The following TEAD4 variants were observed in gnomAD, a reference collection of about 807,000 sequenced individuals.
TEAD4 encodes the protein TEA domain transcription factor 4.
A neutral mutation model predicts 52.4 loss-of-function variants in TEAD4; 36 were observed. The ratio of observed to expected loss-of-function variants is 0.69; its 90% CI spans 0.53 to 0.91. TEAD4 has a LOEUF of 0.91. Among genes scored for constraint, TEAD4 ranks in the 40% least tolerant of loss-of-function variants. The pLI is 0.00. For synonymous variants in TEAD4, 220 were observed against 231.0 expected (o/e 0.95, Z 0.43); for missense variants, 508 against 583.9 (o/e 0.87, Z 1.34).
In TEAD4 at chr12:2,984,781, A is replaced by C. The variant is rs549914181; in HGVS notation, c.-29-9957A>C. Among the ~76,000 whole-genome samples the C allele has an allele frequency of 5.3e-4, 81 of 152,348 alleles. 1 individual carries two copies. The highest frequency in any genetic ancestry group is 1.2e-3 in the Admixed American group (19 of 15,302). On this transcript the variant is annotated intron_variant, in intron 2 of 12. Transcript: ENST00000359864. ...ATCTCAACATTCCTAAACATAGAAA[A>C]GGTACAGTGAAAATAAAATATAAAA...
rs1188833755 is a variant in TEAD4, at chr12:3,019,157, G to T, written c.570G>T (p.Pro190=). ...AGCAAACCTATGCTGTCCAGCCTCC[G>T]CTGCCTCTGCCAGGTGGGTGGGCGC... The change falls in exon 8 of 13, where the codon CCG becomes CCT. Residue 190 remains proline (P), a synonymous_variant. Transcript: ENST00000359864. The T allele has an allele frequency of 3.7e-6, 6 of 1,613,820 alleles. No individual in the cohort carries two copies. The highest frequency in any genetic ancestry group is 5.1e-6 in the Non-Finnish European group (6 of 1,179,978).
chr12:2,974,524 G>A (rs926312621), intron 2 of TEAD4, among the ~76,000 whole-genome samples: 7 of 152,146 alleles, frequency 4.6e-5, no homozygotes, highest in Admixed American at 4.6e-4. Flanking sequence ...CTTCCCCCTG[G>A]GGGTGCAGAT....
intron 10 of TEAD4, among the ~76,000 whole-genome samples, chr12:3,024,500 T>C (rs2098270813): frequency 6.6e-6 from 1 of 151,976 alleles, no homozygotes; most frequent in Non-Finnish European, 1.5e-5. Context: ...ACCCCATCTA[T>C]ACAAAAAGTA....
rs182641176 is a variant in TEAD4 at position 2,985,650 on chromosome 12, T to C, written c.-29-9088T>C. Among the ~76,000 whole-genome samples the C allele has an allele frequency of 1.3e-3, 200 of 151,026 alleles. 1 individual carries two copies. Among genetic ancestry groups the C allele is most frequent in the African/African-American group, 4.6e-3 (188 of 41,306 alleles). Reference sequence around the variant, plus strand: ...CCTCCCTAGTAGCTGGGATTATAGGTGCGCACCATCATGCCTGGCTAATTT... The same window carrying C: ...CCTCCCTAGTAGCTGGGATTATAGGCGCGCACCATCATGCCTGGCTAATTT... On this transcript the variant is annotated intron_variant, in intron 2 of 12. Transcript: ENST00000359864.
At chr12:3,013,757 G>A (rs2098262257) in intron 5 of TEAD4, among the ~76,000 whole-genome samples, 1 of 152,128 alleles carries the variant, frequency 6.6e-6, no homozygotes, top group Admixed American at 6.6e-5. Flanking sequence ...GGGCTAGCTG[G>A]GCATGCACGC....
intron 3 of TEAD4, among the ~76,000 whole-genome samples, chr12:3,010,133 G>A (rs1440024874): frequency 1.3e-5 from 2 of 152,338 alleles, no homozygotes; most frequent in Middle Eastern, 3.4e-3. Flanking sequence ...GGGGTGAAGG[G>A]CCACCCAAGG....
At chr12:3,017,074 G>C (rs1472855286) in intron 5 of TEAD4, 1 of 498,278 alleles carries the variant, frequency 2.0e-6, no homozygotes, top group South Asian at 1.5e-5. Flanking sequence ...CAGGTGCTGA[G>C]CTAGGCACCT....
intron 10 of TEAD4, among the ~76,000 whole-genome samples, chr12:3,022,899 A>G (rs2098269692): frequency 7.9e-5 from 12 of 152,176 alleles, no homozygotes; most frequent in Admixed American, 7.2e-4. Context: ...GCTCTTTTCA[A>G]TGCCTCTTGT....
intron 2 of TEAD4, among the ~76,000 whole-genome samples, chr12:2,980,063 G>A (rs1446676739): frequency 6.6e-6 from 1 of 152,154 alleles, no homozygotes; most frequent in African/African-American, 2.4e-5. Context: ...GAATTGTGTG[G>A]CAGAAAAGTG....
At chr12:2,962,723 C>A (rs1030348925) in intron 2 of TEAD4, among the ~76,000 whole-genome samples, 1 of 152,186 alleles carries the variant, frequency 6.6e-6, no homozygotes, top group African/African-American at 2.4e-5. Flanking sequence ...GCCTCGGCCT[C>A]CCAAAGTGCT....
chr12:2,962,885 T>C (rs919678500), intron 2 of TEAD4, among the ~76,000 whole-genome samples: 2 of 152,048 alleles, frequency 1.3e-5, no homozygotes, highest in Admixed American at 1.3e-4. Context: ...CCCCTTGGCG[T>C]TCTGTCTCCT....
chr12:2,992,388 A>G (rs1167737475), intron 2 of TEAD4, among the ~76,000 whole-genome samples: 2 of 151,914 alleles, frequency 1.3e-5, no homozygotes, highest in Admixed American at 1.3e-4. Context: ...TGCTTTGCCA[A>G]GCTCCTTTTG....
Position 3,002,143 on chromosome 12 carries a change from T to TATTA in TEAD4, c.226+7151_226+7152insATTA, listed in dbSNP as rs570551739. On this transcript the variant is annotated intron_variant, in intron 3 of 12. Coordinates refer to ENST00000359864, the MANE Select transcript of TEAD4 (RefSeq NM_003213.4). ...ATTTCCCCTTTTATGTCTGGCTTATTTCAGTTGGCATAATGTCCTTAAGGT... is the reference window on the plus strand; with the variant it reads ...ATTTCCCCTTTTATGTCTGGCTTATTATTATCAGTTGGCATAATGTCCTTAAGGT... 2.0e-4 allele frequency among the ~76,000 whole-genome samples: 31 copies of TATTA among 152,346 alleles called. 1 individual carries two copies. In the East Asian group the frequency reaches 6.0e-3, roughly 29 times the overall value.
chr12:3,002,507 A>G (rs1307015037), intron 3 of TEAD4, among the ~76,000 whole-genome samples: 2 of 152,192 alleles, frequency 1.3e-5, no homozygotes, highest in Non-Finnish European at 2.9e-5. Context: ...TATCCTCATC[A>G]GCGCTTGTTA....
chr12:2,981,243 G>C (rs1210395296), intron 2 of TEAD4, among the ~76,000 whole-genome samples: 1 of 152,226 alleles, frequency 6.6e-6, no homozygotes, highest in Non-Finnish European at 1.5e-5. Flanking sequence ...CCAGTGCACA[G>C]GGGCTTGCAC....
At position 3,022,026 on chromosome 12, in the gene TEAD4, G is replaced by A. The variant is rs750482594; in HGVS notation, c.897+9G>A. On this transcript the variant is annotated intron_variant, in intron 10 of 12. Coordinates refer to ENST00000359864, the MANE Select transcript of TEAD4 (RefSeq NM_003213.4). ...TTCTTGTGAAGTTCTGGGTAAGCCT[G>A]TGATAACCCCTTCTTTCCTGCCACC... 6.8e-6 allele frequency: 11 copies of A among 1,613,664 alleles called. No individual in the cohort carries two copies. The South Asian group carries it at 1.2e-4, about 18-fold the overall frequency.
intron 10 of TEAD4, among the ~76,000 whole-genome samples, chr12:3,031,680 G>A (rs1254447559): frequency 2.0e-5 from 3 of 152,106 alleles, no homozygotes; most frequent in East Asian, 1.9e-4. Flanking sequence ...TTCTCACCAC[G>A]TTACATACAG....
chr12:2,988,403 C>T (rs1033089911), intron 2 of TEAD4, among the ~76,000 whole-genome samples: 1 of 151,120 alleles, frequency 6.6e-6, no homozygotes, highest in African/African-American at 2.4e-5. Flanking sequence ...CCTATAATCC[C>T]AGCTACTTGG....
intron 2 of TEAD4, among the ~76,000 whole-genome samples, chr12:2,982,151 C>G (rs2098234552): frequency 6.6e-6 from 1 of 152,174 alleles, no homozygotes; most frequent in African/African-American, 2.4e-5. Flanking sequence ...CCATTTGGAA[C>G]TTAGCATCCT....
Sources: gnomAD v4.1 joint callset for allele counts (sites outside exome capture counted in the v4.1 genomes callset) on GRCh38, gnomAD v4.1.1 for gene constraint, MANE v1.5 for transcripts, NCBI Gene and HGNC (gene_info 2026-07-23, HGNC 2026-07-21) for gene names.